The following ERICH2 variants were observed in gnomAD, a reference collection of about 807,000 sequenced individuals.
The protein encoded by ERICH2 is glutamate rich 2, also known as glutamate-rich protein 2.
A neutral mutation model predicts 17.4 loss-of-function variants in ERICH2; 17 were observed. The ratio of observed to expected loss-of-function variants is 0.98; its 90% CI spans 0.67 to 1.47. The LOEUF (loss-of-function observed/expected upper bound fraction) is 1.47, where lower values mean the gene tolerates loss of function less well. Among genes scored for constraint, ERICH2 ranks in the 40% most tolerant of loss-of-function variants. ERICH2 has a pLI of 0.00. For missense variants in ERICH2, 186 were observed against 183.2 expected, an observed-to-expected ratio of 1.01 and a Z score of -0.09; for synonymous variants, 51 against 61.1, an observed-to-expected ratio of 0.83 and a Z score of 0.77.
chr2:170,772,934 T>C, the ERICH2 span, among the ~76,000 whole-genome samples: 1 of 152,270 alleles, frequency 6.6e-6, no homozygotes, highest in Non-Finnish European at 1.5e-5. Flanking sequence ...TCTTCCAATA[T>C]TACAAGAGAA....
At chr2:170,789,643 T>A (rs1277731749) in intron 2 of ERICH2, among the ~76,000 whole-genome samples, 1 of 152,202 alleles carries the variant, frequency 6.6e-6, no homozygotes, top group Non-Finnish European at 1.5e-5. Context: ...AAACATCCAT[T>A]GCAAGAATTT....
chr2:170,774,586 G>A, the ERICH2 span, among the ~76,000 whole-genome samples: 1 of 78,926 alleles, frequency 1.3e-5, no homozygotes, highest in Non-Finnish European at 2.6e-5. Context: ...TTTTTTTTGA[G>A]ATGAAGTCTC....
intron 3 of ERICH2, among the ~76,000 whole-genome samples, chr2:170,797,522 G>A (rs1701457180): frequency 6.6e-6 from 1 of 152,172 alleles, no homozygotes; most frequent in Admixed American, 6.5e-5. Flanking sequence ...TGAGGGCTGG[G>A]TGCAGTGTCT....
chr2:170,783,844 G>C (rs1701083888), exon 1 of ERICH2: 2 of 1,550,438 alleles, frequency 1.3e-6, no homozygotes, highest in Non-Finnish European at 1.7e-6. Flanking sequence ...AGCTGATGGA[G>C]ACTGTAAATG....
chr2:170,794,940 T>C (rs1406213475), intron 3 of ERICH2, among the ~76,000 whole-genome samples: 1 of 152,250 alleles, frequency 6.6e-6, no homozygotes, highest in Non-Finnish European at 1.5e-5. Context: ...TTTAGAGCCA[T>C]TGAATAAAAT....
intron 2 of ERICH2, among the ~76,000 whole-genome samples, chr2:170,788,402 T>A (rs1323689495): frequency 6.6e-6 from 1 of 152,238 alleles, no homozygotes; most frequent in African/African-American, 2.4e-5. Context: ...CTTACTTTCA[T>A]ATCTTGTTTT....
At chr2:170,782,284 C>T (rs1162183308), upstream of ERICH2, 3 of 952,576 alleles carry the variant, frequency 3.1e-6, no homozygotes, top group Non-Finnish European at 2.5e-6. Context: ...AGTCTCTTTA[C>T]AGACTACTGA....
At chr2:170,790,424 C>T (rs1205677537) in intron 2 of ERICH2, among the ~76,000 whole-genome samples, 1 of 152,162 alleles carries the variant, frequency 6.6e-6, no homozygotes, top group Non-Finnish European at 1.5e-5. Context: ...GTCAGGAGTT[C>T]AAGACCAGCC....
chr2:170,780,904 C>A (rs572459724), upstream of ERICH2, among the ~76,000 whole-genome samples: 18 of 152,262 alleles, frequency 1.2e-4, no homozygotes, highest in African/African-American at 3.9e-4. Context: ...TCTCACAATC[C>A]TGGAAACTGA....
chr2:170,774,461 G>C, the ERICH2 span, among the ~76,000 whole-genome samples: 2 of 151,992 alleles, frequency 1.3e-5, no homozygotes, highest in Non-Finnish European at 2.9e-5. Context: ...TTTTTCAGAT[G>C]GAAGAATGGA....
chr2:170,781,076 G>A (rs1476220551), upstream of ERICH2, among the ~76,000 whole-genome samples: 2 of 152,022 alleles, frequency 1.3e-5, no homozygotes, highest in Non-Finnish European at 2.9e-5. Flanking sequence ...CATATATACT[G>A]GGGGAGTAAA....
chr2:170,794,524 G>T (rs889076663), intron 3 of ERICH2, among the ~76,000 whole-genome samples: 11 of 152,224 alleles, frequency 7.2e-5, no homozygotes, highest in Non-Finnish European at 1.5e-4. Flanking sequence ...TGAGTCCAAG[G>T]TTGTCTTTTC....
chr2:170,773,817 C>G, the ERICH2 span, among the ~76,000 whole-genome samples: 1 of 152,094 alleles, frequency 6.6e-6, no homozygotes, highest in South Asian at 2.1e-4. Flanking sequence ...CCTCAAGCTC[C>G]TGGGCTCAAG....
At chr2:170,782,817 T>A (rs1056702981), upstream of ERICH2, among the ~76,000 whole-genome samples, 1 of 152,224 alleles carries the variant, frequency 6.6e-6, no homozygotes, top group African/African-American at 2.4e-5. Context: ...TAGTGGCTCA[T>A]GCCTGTAACT....
At chr2:170,780,281 C>T (rs1343772736), upstream of ERICH2, among the ~76,000 whole-genome samples, 3 of 152,118 alleles carry the variant, frequency 2.0e-5, no homozygotes, top group Non-Finnish European at 2.9e-5. Flanking sequence ...AATAACATCA[C>T]TTTCTCAAAC....
At chr2:170,776,057 T>C in the ERICH2 span, among the ~76,000 whole-genome samples, 1 of 151,962 alleles carries the variant, frequency 6.6e-6, no homozygotes, top group African/African-American at 2.4e-5. Flanking sequence ...GTGTGGCCGC[T>C]CCCATACTTG....
Position 170,796,404 on chromosome 2 carries a change from A to ATGGTT in ERICH2, c.275-1636_275-1632dup, listed in dbSNP as rs1575412667. On this transcript the variant is annotated intron_variant, in intron 3 of 4. Coordinates refer to ENST00000409885, the Ensembl canonical transcript of ERICH2. ...ATGGGGTCTAATTGAACAATCCACA[A>ATGGTT]TGGTTATCTCTCTCTCTCTCTTTGT... is the stretch of plus-strand genomic sequence containing the variant. Among the ~76,000 whole-genome samples, 8 of 147,924 alleles carry ATGGTT rather than the reference A, an allele frequency of 5.4e-5. No individual in the cohort carries two copies. In the East Asian group the frequency reaches 9.9e-4, roughly 18 times the overall value.
chr2:170,793,075 G>T (rs1037088017), intron 3 of ERICH2, among the ~76,000 whole-genome samples, 155 bp downstream of exon 8: 2 of 152,178 alleles, frequency 1.3e-5, no homozygotes, highest in Admixed American at 1.3e-4. Context: ...ATTGGTATAA[G>T]TACTAATTTA....
At chr2:170,781,490 C>T (rs184662046), upstream of ERICH2, among the ~76,000 whole-genome samples, 625 of 151,924 alleles carry the variant, frequency 4.1e-3, 4 homozygotes, top group Middle Eastern at 0.017. Flanking sequence ...AAAAATTAGC[C>T]GGGCATGGTG....
Sources: allele counts gnomAD v4.1 joint callset (sites outside exome capture counted in the v4.1 genomes callset), GRCh38; gene constraint gnomAD v4.1.1; transcripts MANE v1.5; gene names NCBI Gene and HGNC (gene_info 2026-07-23, HGNC 2026-07-21).